Variants in STXBP5L observed in about 807,000 individuals in gnomAD.
STXBP5L encodes the protein syntaxin-binding protein 5-like.
A neutral mutation model predicts 144.5 loss-of-function variants in STXBP5L; 65 were observed. The ratio of observed to expected loss-of-function variants is 0.45; its 90% CI spans 0.37 to 0.55. STXBP5L has a LOEUF of 0.55. Among genes scored for constraint, STXBP5L ranks in the 20% least tolerant of loss-of-function variants. STXBP5L has a pLI of 0.00. For missense variants in STXBP5L, 1,298 were observed against 1,405.5 expected (o/e 0.92, Z 1.22); for synonymous variants, 505 against 469.6 (o/e 1.08, Z -0.97).
intron 4 of STXBP5L, 65 bp from the exon 5 acceptor site, chr3:121,045,366 CTTGT>C: frequency 7.1e-7 from 1 of 1,399,460 alleles, no homozygotes; most frequent in Non-Finnish European, 9.8e-7. Flanking sequence ...AGTAAATTAG[CTTGT>C]TTGTGATTAA....
chr3:120,998,911 A>G (rs1173336676), intron 3 of STXBP5L, among the ~76,000 whole-genome samples: 2 of 152,234 alleles, frequency 1.3e-5, no homozygotes, highest in East Asian at 1.9e-4. Flanking sequence ...ATGGATAGGA[A>G]GAATCAATAT....
intron 12 of STXBP5L, among the ~76,000 whole-genome samples, chr3:121,238,339 A>G (rs2049550616): frequency 1.3e-5 from 2 of 152,154 alleles, no homozygotes; most frequent in South Asian, 2.1e-4. Context: ...GAGAAGGAGA[A>G]GGCTCCAGGC....
At chr3:121,350,316 G>A (rs973178733) in intron 20 of STXBP5L, among the ~76,000 whole-genome samples, 1 of 152,190 alleles carries the variant, frequency 6.6e-6, no homozygotes, top group South Asian at 2.1e-4. Flanking sequence ...TAGAGTTTGT[G>A]CTGAGAGATC....
At chr3:120,951,492 A>G (rs902930670) in intron 2 of STXBP5L, among the ~76,000 whole-genome samples, 59 of 152,078 alleles carry the variant, frequency 3.9e-4, no homozygotes, top group Non-Finnish European at 8.1e-4. Context: ...AAAGTGGGCG[A>G]AGGACATGAA....
In STXBP5L at chr3:121,286,831, G is replaced by GA. The variant is rs34265316; in HGVS notation, c.2110+6886dup. ...TTTAAGACACGGGGTATCAAACAAT[G>GA]AAAAAAAAAAATGATGGGACAGATG... is the stretch of plus-strand genomic sequence containing the variant. On this transcript the variant is annotated intron_variant, in intron 19 of 26. Coordinates refer to ENST00000471454, the MANE Select transcript of STXBP5L (RefSeq NM_001308330.2). Among the ~76,000 whole-genome samples, 1,199 of 150,114 alleles carry GA rather than the reference G, an allele frequency of 8.0e-3. 13 individuals are homozygous for GA. The highest frequency in any genetic ancestry group is 0.028 in the African/African-American group (1,138 of 40,936).
intron 24 of STXBP5L, among the ~76,000 whole-genome samples, chr3:121,414,537 GAGA>G (rs922403961): frequency 1.3e-5 from 2 of 152,160 alleles, no homozygotes; most frequent in African/African-American, 4.8e-5. Flanking sequence ...AAAGAAGTTA[GAGA>G]AGGATTATGG....
intron 3 of STXBP5L, among the ~76,000 whole-genome samples, chr3:120,959,130 A>G (rs1282628214): frequency 6.6e-6 from 1 of 152,156 alleles, no homozygotes; most frequent in African/African-American, 2.4e-5. Context: ...GAGCCAAATC[A>G]TGAGTGAACT....
chr3:121,248,285 A>T (rs1559903310), intron 14 of STXBP5L, among the ~76,000 whole-genome samples: 1 of 152,136 alleles, frequency 6.6e-6, no homozygotes, highest in East Asian at 1.9e-4. Flanking sequence ...GCTGGTCTAG[A>T]ACTCCTGACC....
In STXBP5L at chr3:121,371,896, G is replaced by A. The variant is rs116977709; in HGVS notation, c.2177-6820G>A. 5.1e-4 allele frequency among the ~76,000 whole-genome samples: 78 copies of A among 152,336 alleles called. No homozygotes were observed. The East Asian group carries it at 6.0e-3, about 12-fold the overall frequency. Reference sequence around the variant, plus strand: ...ATGCTTCAACAACAATGGTGGTACCGCTGGGAGAAGTGGGACAAGGTGCAC... The same window carrying A: ...ATGCTTCAACAACAATGGTGGTACCACTGGGAGAAGTGGGACAAGGTGCAC... On this transcript the variant is annotated intron_variant, in intron 20 of 26. Transcript: ENST00000471454.
At chr3:121,055,183 C>T (rs1313551958) in intron 5 of STXBP5L, among the ~76,000 whole-genome samples, 2 of 152,036 alleles carry the variant, frequency 1.3e-5, no homozygotes, top group East Asian at 3.9e-4. Context: ...TGTCATGTAA[C>T]ATGAGAATAT....
intron 19 of STXBP5L, among the ~76,000 whole-genome samples, chr3:121,307,600 A>G (rs970115569): frequency 6.6e-6 from 1 of 152,164 alleles, no homozygotes; most frequent in African/African-American, 2.4e-5. Context: ...AAACTTGAAA[A>G]TAGGTTAATA....
chr3:120,987,229 G>A (rs972274402), intron 3 of STXBP5L, among the ~76,000 whole-genome samples: 4 of 151,916 alleles, frequency 2.6e-5, no homozygotes, highest in African/African-American at 9.7e-5. Context: ...GTACAATTTT[G>A]TTCCCACCAG....
intron 2 of STXBP5L, among the ~76,000 whole-genome samples, chr3:120,913,265 G>T (rs1292537696): frequency 1.3e-5 from 2 of 151,658 alleles, no homozygotes; most frequent in African/African-American, 4.8e-5. Flanking sequence ...ACACTATCTA[G>T]CTGGCCAGTA....
At chr3:121,001,452 C>G (rs1345960978) in intron 3 of STXBP5L, among the ~76,000 whole-genome samples, 1 of 152,192 alleles carries the variant, frequency 6.6e-6, no homozygotes, top group Admixed American at 6.5e-5. Flanking sequence ...ACCTAAGCCA[C>G]CTGGAACAGT....
intron 3 of STXBP5L, among the ~76,000 whole-genome samples, chr3:120,993,193 A>T (rs1943065583): frequency 6.6e-6 from 1 of 151,952 alleles, no homozygotes; most frequent in African/African-American, 2.4e-5. Context: ...TGAGTTCCTT[A>T]TATACTCTGG....
chr3:121,223,536 A>C (rs1317632985), intron 11 of STXBP5L, among the ~76,000 whole-genome samples: 1 of 152,158 alleles, frequency 6.6e-6, no homozygotes, highest in Non-Finnish European at 1.5e-5. Context: ...CACTTACCTG[A>C]TATCAGTAAT....
At chr3:121,283,017 G>A (rs374496857) in intron 19 of STXBP5L, among the ~76,000 whole-genome samples, 6 of 151,950 alleles carry the variant, frequency 3.9e-5, no homozygotes, top group African/African-American at 1.4e-4. Context: ...GAGAGTGTGT[G>A]TGACTGGAGG....
At chr3:121,096,068 C>T (rs1220603438) in intron 5 of STXBP5L, among the ~76,000 whole-genome samples, 1 of 151,988 alleles carries the variant, frequency 6.6e-6, no homozygotes, top group Non-Finnish European at 1.5e-5. Flanking sequence ...GATGCCTCAC[C>T]TTGCTTCGGC....
chr3:121,369,531 G>T (rs1294059781), intron 20 of STXBP5L, among the ~76,000 whole-genome samples: 1 of 151,708 alleles, frequency 6.6e-6, no homozygotes, highest in East Asian at 1.9e-4. Flanking sequence ...GCCACTGGAG[G>T]TTTATTTTGT....
Sources: gnomAD v4.1 joint callset for allele counts (sites outside exome capture counted in the v4.1 genomes callset) on GRCh38, gnomAD v4.1.1 for gene constraint, MANE v1.5 for transcripts, NCBI Gene and HGNC (gene_info 2026-07-23, HGNC 2026-07-21) for gene names.